Variants in B3GALT1 observed in about 807,000 individuals in gnomAD.
The protein encoded by B3GALT1 is UDP-Gal:betaGlcNAc beta 1,3-galactosyltransferase, polypeptide 1.
A neutral mutation model predicts 23.2 loss-of-function variants in B3GALT1; 10 were observed. That is an observed-to-expected ratio of 0.43 (90% CI 0.27 to 0.73). B3GALT1 has a LOEUF of 0.73. Ranked by LOEUF, B3GALT1 falls within the 30% of genes least tolerant of loss-of-function variation. The pLI, the probability that B3GALT1 is intolerant of heterozygous loss-of-function variation, is 0.21. For missense variants in B3GALT1, 299 were observed against 405.4 expected (o/e 0.74, Z 2.25); for synonymous variants, 156 against 141.5 (o/e 1.10, Z -0.73).
chr2:167,552,093 T>G (rs892017220), intron 2 of B3GALT1, among the ~76,000 whole-genome samples: 6 of 152,206 alleles, frequency 3.9e-5, no homozygotes, highest in African/African-American at 1.4e-4. Flanking sequence ...TGCATCAGTT[T>G]TGCTTGCAAT....
At chr2:167,756,247 G>T (rs1212551441) in intron 3 of B3GALT1, among the ~76,000 whole-genome samples, 1 of 151,830 alleles carries the variant, frequency 6.6e-6, no homozygotes, top group Non-Finnish European at 1.5e-5. Flanking sequence ...ATATTCCAAA[G>T]GTTATGCGTT....
intron 1 of B3GALT1, among the ~76,000 whole-genome samples, chr2:167,471,894 G>T (rs997120574): frequency 1.9e-4 from 29 of 152,138 alleles, no homozygotes; most frequent in African/African-American, 7.0e-4. Context: ...TCAGTGAGAG[G>T]CCTGGGGCCT....
At chr2:167,479,854 G>A (rs1699536768) in intron 1 of B3GALT1, among the ~76,000 whole-genome samples, 1 of 152,188 alleles carries the variant, frequency 6.6e-6, no homozygotes, top group Non-Finnish European at 1.5e-5. Flanking sequence ...GAGGGTTAGA[G>A]GCTTTCAAAT....
intron 3 of B3GALT1, among the ~76,000 whole-genome samples, chr2:167,649,439 T>C (rs1490892048): frequency 6.6e-6 from 1 of 152,066 alleles, no homozygotes. Flanking sequence ...AAACCCAGTA[T>C]CCATTAAATA....
At position 167,521,982 on chromosome 2, in the gene B3GALT1, G is replaced by GTATATATATA. The variant is rs1406145422; in HGVS notation, c.-410+31706_-410+31707insATATATATAT. 9.2e-4 allele frequency among the ~76,000 whole-genome samples: 125 copies of GTATATATATA among 135,228 alleles called. No homozygotes were observed. The East Asian group carries it at 0.012, about 13-fold the overall frequency. The allele number at this position is 135,228 out of a possible 152,430, so 88.7% of individuals were successfully genotyped here. On this transcript the variant is annotated intron_variant, in intron 2 of 4. Transcript: ENST00000392690. ...TACCAACATATATGTGTGTGTGTGT[G>GTATATATATA]TGTATATATATATATATATATATAC... is the stretch of plus-strand genomic sequence containing the variant.
intron 1 of B3GALT1, among the ~76,000 whole-genome samples, chr2:167,294,693 G>A (rs149975549): frequency 5.3e-5 from 8 of 152,334 alleles, no homozygotes; most frequent in Non-Finnish European, 1.0e-4. Flanking sequence ...TGGCGTTGGG[G>A]TTGCAGCAGG....
intron 3 of B3GALT1, among the ~76,000 whole-genome samples, chr2:167,771,935 G>A (rs1688079023): frequency 6.6e-6 from 1 of 152,212 alleles, no homozygotes; most frequent in Admixed American, 6.5e-5. Context: ...ATGAAATACA[G>A]ACTGGGGGAG....
intron 3 of B3GALT1, among the ~76,000 whole-genome samples, chr2:167,759,773 C>T (rs73019374): frequency 0.22 from 33,961 of 151,896 alleles, 4,323 homozygotes; most frequent in African/African-American, 0.35. Flanking sequence ...TGCCACTGTG[C>T]TAGGGGGCAA....
chr2:167,435,448 A>C (rs990559228), intron 1 of B3GALT1, among the ~76,000 whole-genome samples: 48 of 149,260 alleles, frequency 3.2e-4, no homozygotes, highest in Non-Finnish European at 2.2e-4. Context: ...AAAAAAAAAA[A>C]AAAAAAAAAA....
chr2:167,575,096 C>T (rs902283309), intron 2 of B3GALT1, among the ~76,000 whole-genome samples: 1 of 151,756 alleles, frequency 6.6e-6, no homozygotes, highest in Non-Finnish European at 1.5e-5. Flanking sequence ...TTGGTTTTCT[C>T]ATCTGTAAAA....
intron 2 of B3GALT1, among the ~76,000 whole-genome samples, chr2:167,583,903 G>A (rs1684535147): frequency 6.6e-6 from 1 of 151,914 alleles, no homozygotes; most frequent in Non-Finnish European, 1.5e-5. Context: ...AATAACTTAA[G>A]CCAAACTAAC....
At chr2:167,463,905 T>A (rs1052738136) in intron 1 of B3GALT1, among the ~76,000 whole-genome samples, 2 of 152,190 alleles carry the variant, frequency 1.3e-5, no homozygotes, top group African/African-American at 4.8e-5. Context: ...CCTGACATTT[T>A]GGAACTATAG....
intron 3 of B3GALT1, among the ~76,000 whole-genome samples, chr2:167,695,938 G>GTTGTGTAT (rs934675572): frequency 6.6e-6 from 1 of 152,064 alleles, no homozygotes; most frequent in Admixed American, 6.6e-5. Context: ...TATACTGTCT[G>GTTGTGTAT]TTGTGTATTT....
chr2:167,419,565 C>T (rs1698517955), intron 1 of B3GALT1, among the ~76,000 whole-genome samples: 1 of 152,054 alleles, frequency 6.6e-6, no homozygotes. Flanking sequence ...ATATAAAAGA[C>T]AATTATGAGG....
chr2:167,307,556 C>T (rs540034566), intron 1 of B3GALT1, among the ~76,000 whole-genome samples: 135 of 152,096 alleles, frequency 8.9e-4, no homozygotes, highest in African/African-American at 2.8e-3. Flanking sequence ...ATTTTGAAGT[C>T]ATGGTGGACA....
chr2:167,785,567 T>G (rs1468192728), intron 3 of B3GALT1, among the ~76,000 whole-genome samples: 1 of 152,210 alleles, frequency 6.6e-6, no homozygotes, highest in Non-Finnish European at 1.5e-5. Context: ...AGTATAATTT[T>G]CAGTGATGGA....
chr2:167,547,462 C>A (rs986960266), intron 2 of B3GALT1, among the ~76,000 whole-genome samples: 2 of 152,028 alleles, frequency 1.3e-5, no homozygotes, highest in African/African-American at 4.8e-5. Flanking sequence ...TTTGGGAGGT[C>A]AAGGAGAGCG....
chr2:167,560,535 A>G (rs1683958704), intron 2 of B3GALT1, among the ~76,000 whole-genome samples: 1 of 152,264 alleles, frequency 6.6e-6, no homozygotes, highest in South Asian at 2.1e-4. Context: ...GTCAAGACCC[A>G]TCAGCATGCT....
At chr2:167,563,781 T>C (rs1296161871) in intron 2 of B3GALT1, among the ~76,000 whole-genome samples, 3 of 65,496 alleles carry the variant, frequency 4.6e-5, no homozygotes, top group Non-Finnish European at 1.0e-4. Flanking sequence ...GACTCGGGGC[T>C]GACCCCCCCA....
Sources: allele counts gnomAD v4.1 joint callset (sites outside exome capture counted in the v4.1 genomes callset), GRCh38; gene constraint gnomAD v4.1.1; transcripts MANE v1.5; gene names NCBI Gene and HGNC (gene_info 2026-07-23, HGNC 2026-07-21).